The following GAS7 variants were observed in gnomAD, a reference collection of about 807,000 sequenced individuals.
GAS7 encodes the protein growth arrest-specific protein 7.
GAS7 carries 28 observed loss-of-function variants against 71.1 expected under a neutral mutation model. The observed-to-expected ratio is 0.39, with a 90% CI of 0.29 to 0.54. The LOEUF (loss-of-function observed/expected upper bound fraction) is 0.54. GAS7 is among the 20% of genes least tolerant of loss of function. The probability of loss-of-function intolerance (pLI) is 0.62; values close to 1 mark genes in which losing one functional copy is unlikely to be tolerated. For missense variants in GAS7, 436 were observed against 627.8 expected (o/e 0.69, Z 3.27); for synonymous variants, 258 against 245.8 (o/e 1.05, Z -0.46).
chr17:9,940,323 T>C, intron 7 of GAS7, 123 bp from the exon 8 acceptor site: 2 of 752,222 alleles, frequency 2.7e-6, no homozygotes, highest in Non-Finnish European at 4.9e-6. Flanking sequence ...TGAGACCACA[T>C]GGCTCTTGTC....
At chr17:10,039,806 T>C (rs1018730327) in intron 1 of GAS7, 3 of 452,330 alleles carry the variant, frequency 6.6e-6, no homozygotes, top group Non-Finnish European at 1.3e-5. Context: ...CTAATGTCAA[T>C]CGAGGGATTT....
chr17:10,063,312 G>A (rs930385655), intron 1 of GAS7, among the ~76,000 whole-genome samples: 4 of 152,226 alleles, frequency 2.6e-5, no homozygotes, highest in African/African-American at 7.2e-5. Flanking sequence ...GTGTGTGTGC[G>A]TGCGCATGAT....
intron 4 of GAS7, among the ~76,000 whole-genome samples, chr17:9,966,160 G>A (rs7210921): frequency 0.068 from 10,374 of 151,726 alleles, 889 homozygotes; most frequent in African/African-American, 0.18. Context: ...CACCACGCCC[G>A]GCTAATTTTT....
rs1334891376 is a variant in GAS7, at chr17:9,926,613, C to T, written c.1014+28G>A. The T allele has an allele frequency of 2.5e-5, 40 of 1,610,464 alleles. No homozygotes were observed. Among genetic ancestry groups the T allele is most frequent in the Non-Finnish European group, 3.1e-5 (37 of 1,179,476 alleles). ...TTCCAGGCAGTCCCCCATGCACCTG[C>T]CCTGGCCCAGCGTCCTGGGCCTCTC... On this transcript the variant is annotated intron_variant, in intron 10 of 13. Coordinates refer to ENST00000432992, the MANE Select transcript of GAS7 (RefSeq NM_201433.2). The surrounding 1 kb of genome is among the most constrained non-coding windows in gnomAD (Gnocchi z 5.0).
intron 1 of GAS7, among the ~76,000 whole-genome samples, chr17:10,073,272 C>T (rs926683558): frequency 6.6e-6 from 1 of 152,168 alleles, no homozygotes; most frequent in African/African-American, 2.4e-5. Context: ...CCTCAGTGAA[C>T]TAATTCCACC....
At chr17:10,133,419 C>T (rs140768129) in intron 1 of GAS7, among the ~76,000 whole-genome samples, 16 of 151,844 alleles carry the variant, frequency 1.1e-4, no homozygotes, top group Non-Finnish European at 2.1e-4. Flanking sequence ...CACTGCGCCT[C>T]GCCAGATTTT....
rs2191109 is a variant in GAS7, at chr17:9,912,601, A to G, written c.*4627T>C. 8.2e-3 allele frequency: 1,913 copies of G among 232,892 alleles called. 74 individuals carry two copies. The highest frequency in any genetic ancestry group is 0.055 in the Admixed American group (971 of 17,774). 14.4% of individuals were successfully genotyped at this position (232,892 alleles called of 1,614,324 possible). A position where few individuals can be genotyped will look rare whatever the true frequency, so the allele number is the denominator to read the frequency against. ...CAGGTTGCAGCAGACGTGAGCAGCA[A>G]TTGAGCACCCATCCGTCCCTTCCCC... is the stretch of plus-strand genomic sequence containing the variant. On this transcript the variant is annotated 3_prime_UTR_variant, in exon 14 of 14. Coordinates refer to ENST00000432992, the MANE Select transcript of GAS7 (RefSeq NM_201433.2).
In GAS7 at chr17:9,912,023, G is replaced by A. The variant is rs1258892810; in HGVS notation, c.*5205C>T. 4 of 231,988 alleles carry A rather than the reference G, an allele frequency of 1.7e-5. No individual in the cohort carries two copies. Among genetic ancestry groups the A allele is most frequent in the South Asian group, 1.8e-4 (1 of 5,530 alleles). The allele number at this position is 231,988 out of a possible 1,614,324, so 14.4% of individuals were successfully genotyped here. A position where few individuals can be genotyped will look rare whatever the true frequency, so the allele number is the denominator to read the frequency against. Reference sequence around the variant, plus strand: ...ACCAGCTAGGCAAGGCTCCAGCTGCGACAAGGACTCCATCTTCACGCCTGT... The same window carrying A: ...ACCAGCTAGGCAAGGCTCCAGCTGCAACAAGGACTCCATCTTCACGCCTGT... On this transcript the variant is annotated 3_prime_UTR_variant, in exon 14 of 14. Transcript: ENST00000432992.
chr17:10,088,431 C>T (rs1018954247), intron 1 of GAS7, among the ~76,000 whole-genome samples: 1 of 151,838 alleles, frequency 6.6e-6, no homozygotes, highest in Admixed American at 6.6e-5. Context: ...CTCTGAGCCT[C>T]CAGGCTGAGG....
intron 1 of GAS7, among the ~76,000 whole-genome samples, chr17:10,140,613 T>C (rs560289863): frequency 4.6e-5 from 7 of 152,350 alleles, no homozygotes; most frequent in Non-Finnish European, 8.8e-5. Context: ...TGTGTGTTTA[T>C]GTACATGAAT....
chr17:9,998,564 C>T (rs780909646), intron 2 of GAS7, among the ~76,000 whole-genome samples: 14 of 151,818 alleles, frequency 9.2e-5, no homozygotes, highest in Non-Finnish European at 1.8e-4. Context: ...CCCAGGAGCT[C>T]GAGACCAGCC....
chr17:10,045,486 C>A (rs2072938296), intron 1 of GAS7, among the ~76,000 whole-genome samples: 1 of 152,210 alleles, frequency 6.6e-6, no homozygotes, highest in South Asian at 2.1e-4. Flanking sequence ...CACCTGAAGT[C>A]AGGAGTTCAA....
chr17:10,177,456 G>C (rs780759784), intron 1 of GAS7, among the ~76,000 whole-genome samples: 1 of 152,044 alleles, frequency 6.6e-6, no homozygotes, highest in African/African-American at 2.4e-5. Context: ...GTGTGGAGAG[G>C]ATGCTGCTGA....
At chr17:10,186,968 G>A (rs1459375635) in intron 1 of GAS7, among the ~76,000 whole-genome samples, 1 of 152,216 alleles carries the variant, frequency 6.6e-6, no homozygotes, top group African/African-American at 2.4e-5. Flanking sequence ...ATGATAAAAT[G>A]CTGAAACTGA....
intron 1 of GAS7, among the ~76,000 whole-genome samples, chr17:10,180,340 A>AAG (rs1567622851): frequency 1.3e-5 from 2 of 151,742 alleles, no homozygotes; most frequent in Admixed American, 6.6e-5. Flanking sequence ...TCAAAAAAAA[A>AAG]AAAAAAAAGC....
In GAS7 at chr17:9,993,137, G is replaced by A. The variant is rs535154364; in HGVS notation, c.305-11253C>T. 2.4e-3 allele frequency among the ~76,000 whole-genome samples: 361 copies of A among 151,590 alleles called. 2 individuals carry two copies. The highest frequency in any genetic ancestry group is 0.02 in the South Asian group (95 of 4,794). On this transcript the variant is annotated intron_variant, in intron 2 of 13. Transcript: ENST00000432992. ...ATATACCCAGTAATGGGATGGCTGG[G>A]TCAAATGGTATTTCTAGTTCTAGAT...
intron 1 of GAS7, among the ~76,000 whole-genome samples, chr17:10,106,788 C>G (rs938781527): frequency 4.6e-5 from 7 of 152,098 alleles, no homozygotes; most frequent in African/African-American, 1.7e-4. Flanking sequence ...GTGCCCCCCC[C>G]CCCAAATATA....
chr17:9,985,799 G>A (rs1446043256), intron 2 of GAS7, among the ~76,000 whole-genome samples: 3 of 152,206 alleles, frequency 2.0e-5, no homozygotes, highest in Admixed American at 6.5e-5. Context: ...AAACAATTCT[G>A]AAGGCCCCTC....
chr17:10,162,557 T>C (rs2074264733), intron 1 of GAS7, among the ~76,000 whole-genome samples: 1 of 152,244 alleles, frequency 6.6e-6, no homozygotes, highest in Non-Finnish European at 1.5e-5. Context: ...AGTCACTTTT[T>C]AAAAGTTTGA....
Sources: allele counts gnomAD v4.1 joint callset (sites outside exome capture counted in the v4.1 genomes callset), GRCh38; gene constraint gnomAD v4.1.1; non-coding constraint Gnocchi (gnomAD v3.1); transcripts MANE v1.5; gene names NCBI Gene and HGNC (gene_info 2026-07-23, HGNC 2026-07-21).